The following FER variants were observed in gnomAD, a reference collection of about 807,000 sequenced individuals.
FER encodes FER tyrosine kinase, also known as tyrosine-protein kinase Fer.
Under a neutral mutation model 111.0 loss-of-function variants are expected in FER, and 63 were observed. The ratio of observed to expected loss-of-function variants is 0.57; its 90% confidence interval spans 0.46 to 0.70. The LOEUF is 0.70. FER is among the 30% of genes least tolerant of loss of function. FER has a pLI of 0.00. For missense variants in FER, 914 were observed against 954.0 expected (o/e 0.96, Z 0.55); for synonymous variants, 327 against 313.9 (o/e 1.04, Z -0.44).
chr5:108,954,759 C>G lies in FER; in HGVS notation c.1360C>G (p.Pro454Ala). Residue 454 changes from proline to alanine, a missense_variant, in exon 12 of 20, where the codon CCT becomes GCT. Physicochemically the swap from Pro to Ala is conservative, Grantham distance 27 (BLOSUM62 -1). Coordinates refer to ENST00000281092, the MANE Select transcript of FER (RefSeq NM_005246.4). ...LSDMISISEK[P>A]LAEQDWYHGA... ...TGATATGATCTCCATCAGTGAGAAG[C>G]CTTTGGCAGAACAGGACTGGTACCA... The G allele has an allele frequency of 6.2e-7, 1 of 1,605,298 alleles. No homozygotes were observed. Among genetic ancestry groups the G allele is most frequent in the Middle Eastern group, 1.7e-4 (1 of 5,804 alleles).
chr5:108,759,498 G>A (rs1233884771), intron 1 of FER, among the ~76,000 whole-genome samples: 1 of 152,158 alleles, frequency 6.6e-6, no homozygotes, highest in African/African-American at 2.4e-5. Context: ...CCACTTCTCT[G>A]GTACCAGTTT....
chr5:109,110,316 A>G (rs546376862), intron 17 of FER, among the ~76,000 whole-genome samples: 2 of 152,284 alleles, frequency 1.3e-5, no homozygotes, highest in African/African-American at 4.8e-5. Flanking sequence ...AGAGAAAGGG[A>G]TGGTGGAGAT....
At chr5:109,058,680 A>G (rs1773951917) in intron 16 of FER, among the ~76,000 whole-genome samples, 2 of 145,344 alleles carry the variant, frequency 1.4e-5, no homozygotes, top group East Asian at 2.1e-4. Flanking sequence ...TTGAAAAATG[A>G]TATAATTTTG....
At chr5:108,749,480 C>T (rs1011884445) in intron 1 of FER, among the ~76,000 whole-genome samples, 2 of 152,066 alleles carry the variant, frequency 1.3e-5, no homozygotes, top group Non-Finnish European at 2.9e-5. Context: ...CGGCACTCAT[C>T]TGGGCGCCGC....
chr5:108,841,671 G>T (rs1156779907), intron 5 of FER, among the ~76,000 whole-genome samples: 2 of 152,162 alleles, frequency 1.3e-5, no homozygotes, highest in Admixed American at 6.5e-5. Context: ...CATGAATAGT[G>T]AAGGTTTGTG....
intron 1 of FER, among the ~76,000 whole-genome samples, chr5:108,762,821 A>G (rs1009060114): frequency 6.6e-6 from 1 of 152,194 alleles, no homozygotes; most frequent in Non-Finnish European, 1.5e-5. Flanking sequence ...CCCTTCTTCC[A>G]GATAGCGGTT....
At chr5:109,131,699 AGTTT>A (rs992118638) in intron 17 of FER, among the ~76,000 whole-genome samples, 22 of 152,108 alleles carry the variant, frequency 1.4e-4, no homozygotes, top group African/African-American at 4.8e-4. Flanking sequence ...GAGTGCTTTT[AGTTT>A]GTCAGTAATA....
At chr5:108,945,665 C>T (rs1756885245) in intron 10 of FER, among the ~76,000 whole-genome samples, 1 of 151,862 alleles carries the variant, frequency 6.6e-6, no homozygotes, top group Non-Finnish European at 1.5e-5. Flanking sequence ...AAGTGAAATT[C>T]ACCTTTAAAA....
chr5:108,966,171 C>T (rs1759785020), intron 13 of FER, among the ~76,000 whole-genome samples: 1 of 151,990 alleles, frequency 6.6e-6, no homozygotes, highest in Non-Finnish European at 1.5e-5. Flanking sequence ...GTCAGAAGAG[C>T]CAGGTTTTCA....
At chr5:109,072,909 C>T (rs997401770) in intron 16 of FER, among the ~76,000 whole-genome samples, 6 of 152,038 alleles carry the variant, frequency 3.9e-5, no homozygotes, top group African/African-American at 1.4e-4. Flanking sequence ...CTTGGTGTTT[C>T]TTAATTTGCA....
At chr5:109,123,758 C>G (rs1032201453) in intron 17 of FER, among the ~76,000 whole-genome samples, 1 of 152,100 alleles carries the variant, frequency 6.6e-6, no homozygotes, top group East Asian at 1.9e-4. Context: ...AAATTTAATT[C>G]TATAATCAGT....
intron 10 of FER, among the ~76,000 whole-genome samples, chr5:108,899,494 T>C (rs773826030): frequency 2.6e-5 from 4 of 152,096 alleles, no homozygotes; most frequent in Non-Finnish European, 5.9e-5. Context: ...CATGACGTTG[T>C]GGAATTGGTT....
At chr5:108,776,803 A>C (rs1753548663) in intron 2 of FER, among the ~76,000 whole-genome samples, 1 of 152,188 alleles carries the variant, frequency 6.6e-6, no homozygotes, top group South Asian at 2.1e-4. Context: ...CTAAATACCA[A>C]ATTAAATAAC....
intron 13 of FER, among the ~76,000 whole-genome samples, chr5:108,965,843 T>C (rs1480673644): frequency 6.6e-6 from 1 of 152,190 alleles, no homozygotes; most frequent in Non-Finnish European, 1.5e-5. Context: ...ATAAGCGTGT[T>C]GTGCTAAGGG....
chr5:109,012,403 C>T (rs894293217), intron 13 of FER, among the ~76,000 whole-genome samples: 1 of 152,122 alleles, frequency 6.6e-6, no homozygotes, highest in Non-Finnish European at 1.5e-5. Context: ...TTTCACGTGT[C>T]ACAATTAAAG....
At chr5:109,089,121 C>T (rs1777879873) in intron 16 of FER, among the ~76,000 whole-genome samples, 1 of 152,222 alleles carries the variant, frequency 6.6e-6, no homozygotes, top group African/African-American at 2.4e-5. Flanking sequence ...AGACAGTGGG[C>T]TGTGTATAGG....
At position 108,959,249 on chromosome 5, in the gene FER, G is replaced by C. The variant is rs764059539; in HGVS notation, c.1558G>C (p.Gly520Arg). The C allele has an allele frequency of 6.2e-7, 1 of 1,611,356 alleles. No individual in the cohort carries two copies. The highest frequency in any genetic ancestry group is 1.7e-5 in the Admixed American group (1 of 59,792). Residue 520 changes from glycine to arginine, a missense_variant, in exon 13 of 20, where the codon GGG becomes CGG. Around this residue, in one of 3 missense-constraint regions of FER, gnomAD observed 774 missense variants for 782.6 expected, o/e 0.99. Coordinates refer to ENST00000281092, the MANE Select transcript of FER (RefSeq NM_005246.4). ...GAACATGTATCGATTCGAGGGCACT[G>C]GGTTTTCAAACATTCCTCAACTTAT... ...VDNMYRFEGT[G>R]FSNIPQLIDH...
At chr5:108,755,688 G>A (rs540486162) in intron 1 of FER, among the ~76,000 whole-genome samples, 1 of 151,688 alleles carries the variant, frequency 6.6e-6, no homozygotes, top group East Asian at 2.0e-4. Flanking sequence ...GTTTCACCAT[G>A]TTAGTCAGGC....
rs1040982782 is a variant in FER, at chr5:109,081,101, C to T, written c.1925-19295C>T. Among the ~76,000 whole-genome samples the T allele has an allele frequency of 3.9e-5, 6 of 152,030 alleles. 1 individual carries two copies. Among genetic ancestry groups the T allele is most frequent in the African/African-American group, 1.4e-4 (6 of 41,410 alleles). ...AATGGACTTTAGACAGCATTCTAAC[C>T]TCATCTCTTTATGTAATCAATGAAA... On this transcript the variant is annotated intron_variant, in intron 16 of 19. Coordinates refer to ENST00000281092, the MANE Select transcript of FER (RefSeq NM_005246.4).
Sources: gnomAD v4.1 joint callset for allele counts (sites outside exome capture counted in the v4.1 genomes callset) on GRCh38, gnomAD v4.1.1 for gene constraint, gnomAD v4.1.1 regional missense constraint, MANE v1.5 for transcripts, NCBI Gene and HGNC (gene_info 2026-07-23, HGNC 2026-07-21) for gene names.